The following COL15A1 variants were observed in gnomAD, a reference collection of about 807,000 sequenced individuals.
The protein encoded by COL15A1 is collagen alpha-1(XV) chain.
Under a neutral mutation model 165.9 loss-of-function variants are expected in COL15A1, and 111 were observed. The observed-to-expected ratio is 0.67, with a 90% CI of 0.57 to 0.78. COL15A1 has a LOEUF of 0.78. Among genes scored for constraint, COL15A1 ranks in the 30% least tolerant of loss-of-function variants. The pLI is 0.00. For synonymous variants in COL15A1, 659 were observed against 674.8 expected, an observed-to-expected ratio of 0.98 and a Z score of 0.36; for missense variants, 1,745 against 1,789.7, an observed-to-expected ratio of 0.98 and a Z score of 0.45.
intron 9 of COL15A1, among the ~76,000 whole-genome samples, chr9:99,014,047 G>C (rs1336743604): frequency 3.3e-5 from 5 of 152,058 alleles, no homozygotes; most frequent in Admixed American, 3.3e-4. Context: ...CCATAATTTA[G>C]AATTCTCATT....
chr9:99,018,778 G>A (rs1838977661), intron 11 of COL15A1, among the ~76,000 whole-genome samples: 1 of 152,196 alleles, frequency 6.6e-6, no homozygotes, highest in Non-Finnish European at 1.5e-5. Context: ...CTAGTATATT[G>A]TGTGGTTAAC....
At chr9:99,065,532 G>A (rs1031168965) in intron 39 of COL15A1, among the ~76,000 whole-genome samples, 4 of 151,668 alleles carry the variant, frequency 2.6e-5, no homozygotes, top group Middle Eastern at 3.2e-3. Flanking sequence ...GCATGCTAAA[G>A]CTCCCTCTTA....
intron 2 of COL15A1, among the ~76,000 whole-genome samples, chr9:98,975,412 G>A (rs201128168): frequency 6.6e-6 from 1 of 152,244 alleles, no homozygotes; most frequent in African/African-American, 2.4e-5. Flanking sequence ...AGCGGGGTAG[G>A]GGAGGTGCCA....
chr9:99,048,186 TAAA>T (rs1290165892), intron 28 of COL15A1, among the ~76,000 whole-genome samples, 186 bp downstream of exon 28: 1 of 152,168 alleles, frequency 6.6e-6, no homozygotes, highest in Non-Finnish European at 1.5e-5. Flanking sequence ...TCCTGCCACC[TAAA>T]ACACCTTAGT....
chr9:99,041,112 C>T (rs1323446332), intron 23 of COL15A1: 1 of 154,902 alleles, frequency 6.5e-6, no homozygotes, highest in East Asian at 1.9e-4. Context: ...CCAGGACCTC[C>T]ACTGCAGGGA....
At chr9:98,969,403 A>G (rs1209202848) in intron 2 of COL15A1, among the ~76,000 whole-genome samples, 3 of 152,224 alleles carry the variant, frequency 2.0e-5, no homozygotes, top group Non-Finnish European at 4.4e-5. Context: ...GAAGTGAAGT[A>G]TCTTATCCAA....
intron 2 of COL15A1, among the ~76,000 whole-genome samples, chr9:98,951,752 TTTGCTGTG>T (rs1398644845): frequency 1.3e-5 from 2 of 152,128 alleles, no homozygotes; most frequent in Admixed American, 1.3e-4. Context: ...GGCATAGAGT[TTTGCTGTG>T]TTGCCCAGGC....
chr9:99,015,945 G>A, intron 10 of COL15A1, 31 bp from the exon 11 acceptor site: 1 of 1,608,076 alleles, frequency 6.2e-7, no homozygotes, highest in Non-Finnish European at 8.5e-7. Context: ...AGCGAGGTGA[G>A]GTGGTGCCTT....
intron 2 of COL15A1, among the ~76,000 whole-genome samples, chr9:98,968,733 G>C (rs909797699): frequency 6.6e-6 from 1 of 151,978 alleles, no homozygotes; most frequent in East Asian, 1.9e-4. Context: ...GGGAACACAG[G>C]CTATTATCAT....
chr9:99,041,611 C>G (rs969346954), intron 23 of COL15A1, among the ~76,000 whole-genome samples: 20 of 152,074 alleles, frequency 1.3e-4, no homozygotes, highest in Non-Finnish European at 1.5e-5. Flanking sequence ...TGATGCCTGG[C>G]TGGGATGGGC....
intron 2 of COL15A1, among the ~76,000 whole-genome samples, chr9:98,945,894 G>T (rs932170005): frequency 6.6e-6 from 1 of 152,162 alleles, no homozygotes; most frequent in Non-Finnish European, 1.5e-5. Context: ...TCCTGTGTGT[G>T]TCTCTGGGAT....
Position 99,017,118 on chromosome 9 carries a change from ACTC to A in COL15A1, c.1647+1002_1647+1004del, listed in dbSNP as rs1588517043. ...TGTAGATAGAGATGAATGTGACCTC[ACTC>A]CTGTCCGCAACAAATTCACAATCAA... On this transcript the variant is annotated intron_variant, in intron 11 of 41. Transcript: ENST00000375001. 2.6e-5 allele frequency among the ~76,000 whole-genome samples: 4 copies of A among 152,276 alleles called. No individual in the cohort carries two copies. The East Asian group carries it at 7.7e-4, about 29-fold the overall frequency.
chr9:99,029,880 G>A (rs984228658), intron 16 of COL15A1, among the ~76,000 whole-genome samples: 11 of 151,516 alleles, frequency 7.3e-5, no homozygotes, highest in African/African-American at 2.2e-4. Context: ...AGCCGAGATC[G>A]TGCCATTGCA....
chr9:99,042,555 T>A (rs543645133), intron 24 of COL15A1, among the ~76,000 whole-genome samples: 58 of 152,378 alleles, frequency 3.8e-4, no homozygotes, highest in Admixed American at 7.8e-4. Context: ...AGGACAGGCA[T>A]CCTGCCAGCT....
intron 7 of COL15A1, among the ~76,000 whole-genome samples, chr9:99,002,672 A>G (rs1838681794): frequency 6.6e-6 from 1 of 152,206 alleles, no homozygotes; most frequent in African/African-American, 2.4e-5. Flanking sequence ...ACTTTCCTCT[A>G]ACTGTTTTTT....
At chr9:98,970,702 G>A (rs1838034969) in intron 2 of COL15A1, among the ~76,000 whole-genome samples, 2 of 152,232 alleles carry the variant, frequency 1.3e-5, no homozygotes, top group African/African-American at 4.8e-5. Flanking sequence ...ATGAGTGTAG[G>A]TGAGTGTGTG....
chr9:99,068,322 G>A lies in COL15A1; in HGVS notation c.3838-233G>A, dbSNP rs548524969. Among the ~76,000 whole-genome samples, 168 of 151,966 alleles carry A rather than the reference G, an allele frequency of 1.1e-3. 4 individuals carry two copies. The South Asian group carries it at 0.027, about 25-fold the overall frequency. On this transcript the variant is annotated intron_variant, in intron 40 of 41. Coordinates refer to ENST00000375001, the MANE Select transcript of COL15A1 (RefSeq NM_001855.5). ...CTCTACTAAAAATACAAAATTAGCC[G>A]GGTATGGTGGTGCATGCCTGTAATC...
intron 9 of COL15A1, among the ~76,000 whole-genome samples, chr9:99,013,356 A>G: frequency 6.6e-6 from 1 of 152,152 alleles, no homozygotes; most frequent in Non-Finnish European, 1.5e-5. Context: ...TGGGAGGTGC[A>G]AAATGCCCTT....
intron 16 of COL15A1, among the ~76,000 whole-genome samples, 195 bp from the exon 17 acceptor site, chr9:99,034,354 C>T (rs1839259110): frequency 6.6e-6 from 1 of 152,132 alleles, no homozygotes; most frequent in South Asian, 2.1e-4. Flanking sequence ...GTGGGTTTCA[C>T]AAGCTTTCAG....
Sources: gnomAD v4.1 joint callset for allele counts (sites outside exome capture counted in the v4.1 genomes callset) on GRCh38, gnomAD v4.1.1 for gene constraint, MANE v1.5 for transcripts, NCBI Gene and HGNC (gene_info 2026-07-23, HGNC 2026-07-21) for gene names.